GARS1: variants seen among roughly 807,000 people sequenced by gnomAD.
The protein encoded by GARS1 is glycyl-tRNA synthetase 1, also known as glycine--tRNA ligase.
A neutral mutation model predicts 86.4 loss-of-function variants in GARS1; 46 were observed. The observed-to-expected ratio is 0.53, with a 90% CI of 0.42 to 0.68. GARS1 has a LOEUF of 0.68. Ranked by LOEUF, GARS1 falls within the 30% of genes least tolerant of loss-of-function variation. The pLI, the probability that GARS1 is intolerant of heterozygous loss-of-function variation, is 0.00. For synonymous variants in GARS1, 342 were observed against 329.8 expected (o/e 1.04, Z -0.40); for missense variants, 797 against 915.6 (o/e 0.87, Z 1.67).
chr7:30,622,082 C>CT (rs1156910892), intron 11 of GARS1: 2 of 540,184 alleles, frequency 3.7e-6, no homozygotes, highest in South Asian at 2.0e-5. Flanking sequence ...GATAATATCT[C>CT]TTTTTTCTCA....
At position 30,606,633 on chromosome 7, in the gene GARS1, T is replaced by C. The variant is rs568981330; in HGVS notation, c.736-2952T>C. Among the ~76,000 whole-genome samples, 4 of 152,322 alleles carry C rather than the reference T, an allele frequency of 2.6e-5. No homozygotes were observed. In the South Asian group the frequency reaches 6.2e-4, roughly 24 times the overall value. ...ACTAGGAGTTCTCTGCTGAGTCCTT[T>C]TGACACAGCCCTTGTAGTCTCTGAA... On this transcript the variant is annotated intron_variant, in intron 6 of 16. Transcript: ENST00000389266.
intron 4 of GARS1, among the ~76,000 whole-genome samples, chr7:30,602,590 A>G (rs1340212877): frequency 1.3e-5 from 2 of 152,204 alleles, no homozygotes; most frequent in African/African-American, 2.4e-5. Context: ...GATAATACCA[A>G]TGTCAGTACA....
chr7:30,620,308 G>A (rs748269066), intron 10 of GARS1, among the ~76,000 whole-genome samples: 9 of 152,116 alleles, frequency 5.9e-5, no homozygotes, highest in Admixed American at 1.3e-4. Flanking sequence ...ATTTCTCACC[G>A]TTCTGGAGGC....
At chr7:30,602,004 G>A (rs973004907) in intron 4 of GARS1, among the ~76,000 whole-genome samples, 3 of 150,270 alleles carry the variant, frequency 2.0e-5, no homozygotes, top group South Asian at 2.1e-4. Flanking sequence ...GGGTGGTCTC[G>A]ATCTCCTGAC....
At chr7:30,628,363 T>G (rs1783167408) in intron 13 of GARS1, 197 bp from the exon 14 acceptor site, 1 of 436,194 alleles carries the variant, frequency 2.3e-6, no homozygotes, top group African/African-American at 2.0e-5. Flanking sequence ...TTTTGTATTT[T>G]TAGTAGAGAC....
intron 10 of GARS1, among the ~76,000 whole-genome samples, chr7:30,617,851 C>T (rs2527879): frequency 0.1 from 15,331 of 152,126 alleles, 865 homozygotes; most frequent in South Asian, 0.2. Flanking sequence ...AGTATTGAAG[C>T]GGAGGGACGA....
chr7:30,633,828 G>C lies in GARS1; in HGVS notation c.2188G>C (p.Glu730Gln), dbSNP rs1783283131. The C allele has an allele frequency of 5.0e-6, 8 of 1,591,018 alleles. No individual in the cohort carries two copies. The highest frequency in any genetic ancestry group is 1.4e-5 in the African/African-American group (1 of 73,890). ...EARYPLFEGQ[E>Q]TGKKETIEE The stretch of plus-strand genomic sequence containing the variant: ...CAGGTATCCTCTGTTTGAAGGGCAA[G>C]AGACTGGTAAAAAAGAGACAATCGA... Residue 730 changes from glutamate to glutamine, a missense_variant, in exon 17 of 17, where the codon GAG (glutamate) becomes CAG (glutamine). Transcript: ENST00000389266.
At chr7:30,628,525 G>T in intron 13 of GARS1, 35 bp from the exon 14 acceptor site, 2 of 1,417,462 alleles carry the variant, frequency 1.4e-6, no homozygotes, top group South Asian at 2.3e-5. Context: ...TGTGGTATTT[G>T]AGAGAATGTT....
rs1791400731 is a variant in GARS1, at chr7:30,602,462, CG to C, written c.570-571del. Among the ~76,000 whole-genome samples, 3 of 152,294 alleles carry C rather than the reference CG, an allele frequency of 2.0e-5. No homozygotes were observed. In the South Asian group the frequency reaches 6.2e-4, roughly 32 times the overall value. ...AGAGCTAATTTTTACTATTGGCATC[CG>C]TTAGGTTCTCTTAATAATTTCAGCC... is the stretch of plus-strand genomic sequence containing the variant. On this transcript the variant is annotated intron_variant, in intron 4 of 16. Coordinates refer to ENST00000389266, the MANE Select transcript of GARS1 (RefSeq NM_002047.4).
rs1060502836 is a variant in GARS1, at chr7:30,616,050, G to A, written c.1186G>A (p.Val396Ile). 2 of 1,614,222 alleles carry A rather than the reference G, an allele frequency of 1.2e-6. No individual in the cohort carries two copies. ...SARKMRLGDA[V>I]EQGVINNTVL... Reference sequence around the variant, plus strand: ...TCGGAAAATGCGCCTGGGAGATGCTGTTGAACAGGTAGGATTCTGGAGGTA... The same window carrying A: ...TCGGAAAATGCGCCTGGGAGATGCTATTGAACAGGTAGGATTCTGGAGGTA... The change falls in exon 9 of 17, where the codon GTT becomes ATT. Residue 396 changes from valine to isoleucine, a missense_variant. Physicochemically the swap from Val to Ile is conservative, Grantham distance 29. This residue lies in a region of GARS1 where 598 missense variants were observed against 738.7 expected (regional missense o/e 0.81). Transcript: ENST00000389266.
In GARS1 at chr7:30,609,687, T is replaced by C. The variant is rs1190006892; in HGVS notation, c.838T>C (p.Leu280=). The change falls in exon 7 of 17, where the codon TTA becomes CTA. Residue 280 remains leucine, a synonymous_variant. Transcript: ENST00000389266. The part of the protein sequence containing the change: ...NDLSPPVSFN[L]MFKTFIGPGG... ...TCTATCCCCTCCAGTGTCTTTTAAC[T>C]TAATGTTCAAGACTTTCATTGGGCC... 5.4e-5 allele frequency: 87 copies of C among 1,613,592 alleles called. No individual in the cohort carries two copies. The highest frequency in any genetic ancestry group is 7.2e-5 in the Non-Finnish European group (85 of 1,179,694).
At position 30,600,053 on chromosome 7, in the gene GARS1, A is replaced by G; in HGVS notation, c.427+4A>G. On this transcript the variant is annotated splice_donor_region_variant and intron_variant, in intron 3 of 16. Transcript: ENST00000389266. ...CAAGCTTTTGCTATTTATGGAGGTA[A>G]GGGATTAATGACAAAAAGAACTATT... 6.3e-7 allele frequency: 1 copy of G among 1,592,164 alleles called. No individual in the cohort carries two copies. The highest frequency in any genetic ancestry group is 1.1e-5 in the South Asian group (1 of 90,650).
intron 12 of GARS1, among the ~76,000 whole-genome samples, chr7:30,625,082 A>G (rs1783100039): frequency 6.6e-6 from 1 of 152,128 alleles, no homozygotes; most frequent in Admixed American, 6.5e-5. Flanking sequence ...AGCTGGGACT[A>G]CAGGTGTGCA....
At chr7:30,626,391 TTGC>T in intron 13 of GARS1, 72 bp downstream of exon 13, 1 of 949,702 alleles carries the variant, frequency 1.1e-6, no homozygotes, top group Non-Finnish European at 1.7e-6. Flanking sequence ...AGACAGGGTC[TTGC>T]TCTGTCACCC....
chr7:30,624,459 T>C (rs899914456), intron 12 of GARS1, among the ~76,000 whole-genome samples: 3 of 152,138 alleles, frequency 2.0e-5, no homozygotes, highest in Non-Finnish European at 2.9e-5. Flanking sequence ...GGAAGTAAAA[T>C]GTATGCTATC....
At chr7:30,604,152 TC>T (rs1468230989) in intron 6 of GARS1, among the ~76,000 whole-genome samples, 1 of 152,180 alleles carries the variant, frequency 6.6e-6, no homozygotes, top group African/African-American at 2.4e-5. Flanking sequence ...AGGAATACTT[TC>T]TATATTAGAA....
At chr7:30,603,377 G>T in intron 5 of GARS1, 119 bp from the exon 6 acceptor site, 1 of 845,694 alleles carries the variant, frequency 1.2e-6, no homozygotes, top group South Asian at 1.4e-5. Context: ...TCAACTGTGG[G>T]ATTCATGTAA....
chr7:30,604,222 C>T (rs886472066), intron 6 of GARS1, among the ~76,000 whole-genome samples: 3 of 152,090 alleles, frequency 2.0e-5, no homozygotes, highest in Non-Finnish European at 4.4e-5. Context: ...CAAAACTGCA[C>T]GTCTCCCTGG....
chr7:30,633,780 A>G lies in GARS1; in HGVS notation c.2140A>G (p.Ile714Val). ...SIVQDLANGN[I>V]TWADVEARYP... ...AGTCCAAGACCTAGCCAATGGCAACATCACATGGGCTGATGTGGAGGCCAG... is the reference window on the plus strand; with the variant it reads ...AGTCCAAGACCTAGCCAATGGCAACGTCACATGGGCTGATGTGGAGGCCAG... Residue 714 changes from isoleucine to valine, a missense_variant, in exon 17 of 17, where the codon ATC (isoleucine) becomes GTC (valine). Around this residue, in one of 2 missense-constraint regions of GARS1, gnomAD observed 598 missense variants for 738.7 expected, o/e 0.81. Transcript: ENST00000389266. 1 of 1,614,090 alleles carries G rather than the reference A, an allele frequency of 6.2e-7. No individual in the cohort carries two copies. Among genetic ancestry groups the G allele is most frequent in the East Asian group, 2.2e-5 (1 of 44,884 alleles).
Sources: allele counts gnomAD v4.1 joint callset (sites outside exome capture counted in the v4.1 genomes callset), GRCh38; gene constraint gnomAD v4.1.1; regional missense constraint gnomAD v4.1.1; transcripts MANE v1.5; gene names NCBI Gene and HGNC (gene_info 2026-07-23, HGNC 2026-07-21).